The following GRAMD1C variants were observed in gnomAD, a reference collection of about 807,000 sequenced individuals.
GRAMD1C encodes the protein protein Aster-C.
In GRAMD1C, 89 loss-of-function variants were observed where a neutral mutation model predicts 97.8. The ratio of observed to expected loss-of-function variants is 0.91; its 90% CI spans 0.77 to 1.09. The LOEUF is 1.09. Ranked by LOEUF, GRAMD1C falls within the 50% of genes least tolerant of loss-of-function variation. The pLI is 0.00. For missense variants in GRAMD1C, 740 were observed against 766.4 expected (o/e 0.97, Z 0.41); for synonymous variants, 256 against 267.0 (o/e 0.96, Z 0.40).
chr3:113,837,870 C>G (rs541156671), upstream of GRAMD1C, among the ~76,000 whole-genome samples: 1 of 152,046 alleles, frequency 6.6e-6, no homozygotes, highest in Admixed American at 6.6e-5. Flanking sequence ...ATTGCGCCAC[C>G]GCACTCCAGC....
chr3:113,918,413 C>T (rs1405595576), intron 10 of GRAMD1C, among the ~76,000 whole-genome samples: 3 of 152,182 alleles, frequency 2.0e-5, no homozygotes, highest in African/African-American at 4.8e-5. Flanking sequence ...GGAATTAGGA[C>T]GTTGTTGTAT....
chr3:113,926,537 C>T (rs1384379489), intron 10 of GRAMD1C, among the ~76,000 whole-genome samples: 1 of 152,104 alleles, frequency 6.6e-6, no homozygotes, highest in Non-Finnish European at 1.5e-5. Context: ...TGGTTAAGAA[C>T]CATTGCTGGG....
chr3:113,890,251 T>C (rs1438282220), intron 6 of GRAMD1C, among the ~76,000 whole-genome samples: 2 of 151,838 alleles, frequency 1.3e-5, no homozygotes, highest in African/African-American at 4.8e-5. Flanking sequence ...GGTAAGGGAG[T>C]AGAAGTGACT....
chr3:113,888,535 T>C (rs1935597312), intron 6 of GRAMD1C, among the ~76,000 whole-genome samples: 1 of 152,328 alleles, frequency 6.6e-6, no homozygotes, highest in South Asian at 2.1e-4. Context: ...AAATGATAAC[T>C]ACATGAGGCA....
chr3:113,933,140 T>C (rs1937502586), intron 11 of GRAMD1C, among the ~76,000 whole-genome samples: 1 of 152,102 alleles, frequency 6.6e-6, no homozygotes. Context: ...CCACATCAGC[T>C]TCCCAAAGTG....
intron 6 of GRAMD1C, among the ~76,000 whole-genome samples, chr3:113,896,856 CTTCT>C (rs1458317101): frequency 3.3e-5 from 5 of 152,074 alleles, no homozygotes; most frequent in Admixed American, 6.6e-5. Flanking sequence ...GCAAATTTTG[CTTCT>C]TTATTTAGAA....
chr3:113,869,708 A>G, intron 3 of GRAMD1C, 117 bp downstream of exon 3: 1 of 578,682 alleles, frequency 1.7e-6, no homozygotes, highest in Non-Finnish European at 3.1e-6. Flanking sequence ...ATAATTTTCA[A>G]GTTAAGCATC....
chr3:113,852,207 A>G (rs1373869573), intron 2 of GRAMD1C, among the ~76,000 whole-genome samples: 1 of 152,154 alleles, frequency 6.6e-6, no homozygotes, highest in African/African-American at 2.4e-5. Context: ...ATTAATTAGT[A>G]TGTTTGTAAC....
At chr3:113,885,744 A>G in intron 6 of GRAMD1C, 3 of 1,576,748 alleles carry the variant, frequency 1.9e-6, no homozygotes, top group Non-Finnish European at 2.6e-6. Flanking sequence ...CAATAGCAGA[A>G]GCATCCTTAA....
At chr3:113,930,301 T>A (rs1937362417) in intron 10 of GRAMD1C, among the ~76,000 whole-genome samples, 1 of 152,344 alleles carries the variant, frequency 6.6e-6, no homozygotes, top group African/African-American at 2.4e-5. Context: ...TCATATGGTT[T>A]CTTAATGACA....
At chr3:113,845,753 G>C (rs940023958) in intron 2 of GRAMD1C, among the ~76,000 whole-genome samples, 2 of 151,968 alleles carry the variant, frequency 1.3e-5, no homozygotes, top group African/African-American at 4.8e-5. Context: ...TTGAGGATTA[G>C]GTATCCTTGG....
At chr3:113,859,136 T>C (rs1340585815) in intron 2 of GRAMD1C, among the ~76,000 whole-genome samples, 1 of 152,192 alleles carries the variant, frequency 6.6e-6, no homozygotes, top group African/African-American at 2.4e-5. Flanking sequence ...TATTTTACTC[T>C]TTCTCTTCTA....
At chr3:113,894,382 G>A (rs573131980) in intron 6 of GRAMD1C, among the ~76,000 whole-genome samples, 2 of 152,002 alleles carry the variant, frequency 1.3e-5, no homozygotes, top group South Asian at 2.1e-4. Context: ...AGGTTCAAGC[G>A]ATTCTCCTGC....
At chr3:113,885,443 C>A in intron 6 of GRAMD1C, 1 of 1,576,174 alleles carries the variant, frequency 6.3e-7, no homozygotes, top group Non-Finnish European at 8.7e-7. Context: ...CTCCCCTTAT[C>A]TCCTGTGTCC....
chr3:113,915,028 C>G (rs1218178932), intron 9 of GRAMD1C, among the ~76,000 whole-genome samples: 1 of 152,156 alleles, frequency 6.6e-6, no homozygotes, highest in African/African-American at 2.4e-5. Context: ...ATTGCTTCTT[C>G]ATTTGTCACT....
intron 10 of GRAMD1C, chr3:113,919,153 G>A (rs1415511508): frequency 1.1e-5 from 3 of 262,702 alleles, no homozygotes; most frequent in African/African-American, 6.8e-5. Flanking sequence ...TGAGCAGAAG[G>A]AGCTGGGGCT....
chr3:113,838,367 T>C (rs1327220689), upstream of GRAMD1C: 1 of 151,972 alleles, frequency 6.6e-6, no homozygotes, highest in African/African-American at 2.4e-5. Context: ...AGGTGGGGAG[T>C]TCGAGACCAG....
chr3:113,908,857 CA>C, intron 8 of GRAMD1C, 100 bp from the exon 9 acceptor site: 1 of 644,512 alleles, frequency 1.6e-6, no homozygotes, highest in Non-Finnish European at 2.6e-6. Flanking sequence ...AAATATTCTT[CA>C]AAGCTCAATA....
Position 113,909,062 on chromosome 3 carries a change from G to C in GRAMD1C, c.894G>C (p.Leu298Phe). ...LTRVPSKSLD[L>F]NKNEYLSLDK... is the part of the protein sequence containing the mutation. ...GAGTGCCATCAAAGTCACTGGACTT[G>C]AATAAAAATGAATATCTTTCTCTGG... is the stretch of plus-strand genomic sequence containing the variant. The change falls in exon 9 of 18, where the codon TTG (leucine) becomes TTC (phenylalanine). Residue 298 changes from leucine to phenylalanine, a missense_variant. Physicochemically the swap from Leu to Phe is conservative, Grantham distance 22. Coordinates refer to ENST00000358160, the MANE Select transcript of GRAMD1C (RefSeq NM_017577.5). The C allele has an allele frequency of 6.4e-7, 1 of 1,559,872 alleles. No individual in the cohort carries two copies. Among genetic ancestry groups the C allele is most frequent in the Non-Finnish European group, 8.7e-7 (1 of 1,151,882 alleles).
Sources: allele counts gnomAD v4.1 joint callset (sites outside exome capture counted in the v4.1 genomes callset), GRCh38; gene constraint gnomAD v4.1.1; transcripts MANE v1.5; gene names NCBI Gene and HGNC (gene_info 2026-07-23, HGNC 2026-07-21).